Variants in GLIS3 observed in about 807,000 individuals in gnomAD.
GLIS3 encodes zinc finger protein GLIS3.
A neutral mutation model predicts 78.6 loss-of-function variants in GLIS3; 53 were observed. That is an observed-to-expected ratio of 0.67 (90% confidence interval 0.54 to 0.85). The LOEUF is 0.85. GLIS3 is among the 40% of genes least tolerant of loss of function. GLIS3 has a pLI of 0.00. For synonymous variants in GLIS3, 684 were observed against 509.9 expected, an observed-to-expected ratio of 1.34 and a Z score of -4.60; for missense variants, 1,703 against 1,231.1, an observed-to-expected ratio of 1.38 and a Z score of -5.74.
At chr9:4,469,130 A>T in the GLIS3 span, among the ~76,000 whole-genome samples, 3 of 152,362 alleles carry the variant, frequency 2.0e-5, no homozygotes, top group East Asian at 5.8e-4. Flanking sequence ...ACCCAGATTC[A>T]TTAAGCAAGT....
chr9:4,159,583 GTGGCACA>G (rs937963493), intron 2 of GLIS3, among the ~76,000 whole-genome samples: 3 of 152,264 alleles, frequency 2.0e-5, no homozygotes, highest in African/African-American at 7.2e-5. Context: ...ACTGGGCATG[GTGGCACA>G]TGCCTGTAAT....
the GLIS3 span, among the ~76,000 whole-genome samples, chr9:4,477,344 A>T: frequency 1.3e-3 from 147 of 112,340 alleles, no homozygotes; most frequent in African/African-American, 4.8e-3. Context: ...CAGAAGTAGG[A>T]TGGTGTTTGC....
At chr9:3,856,205 G>A (rs1379967580) in intron 8 of GLIS3, 21 bp from the exon 9 acceptor site, 1 of 1,605,146 alleles carries the variant, frequency 6.2e-7, no homozygotes, top group African/African-American at 1.3e-5. Context: ...AATTATAAAA[G>A]GAAACATGAG....
At chr9:4,066,850 G>A (rs1438646725) in intron 4 of GLIS3, among the ~76,000 whole-genome samples, 1 of 152,160 alleles carries the variant, frequency 6.6e-6, no homozygotes, top group Admixed American at 6.5e-5. Flanking sequence ...ACGCCCAGTG[G>A]CACTTACGGT....
intron 4 of GLIS3, among the ~76,000 whole-genome samples, chr9:4,041,163 A>G (rs1008433787): frequency 6.6e-6 from 1 of 152,234 alleles, no homozygotes; most frequent in African/African-American, 2.4e-5. Context: ...ATATGACTGC[A>G]CATGGGAATC....
intron 2 of GLIS3, among the ~76,000 whole-genome samples, chr9:4,317,726 C>G (rs992895621): frequency 3.9e-5 from 6 of 152,160 alleles, no homozygotes; most frequent in Admixed American, 3.9e-4. Context: ...AGGCATTATT[C>G]AAGTTCCTAC....
intron 9 of GLIS3, among the ~76,000 whole-genome samples, chr9:3,847,323 T>C (rs1054623575): frequency 1.3e-5 from 2 of 152,154 alleles, no homozygotes; most frequent in African/African-American, 4.8e-5. Flanking sequence ...AAGGACTGGC[T>C]CTGCCAATCA....
chr9:4,250,680 T>G (rs1160506223), intron 2 of GLIS3, among the ~76,000 whole-genome samples: 1 of 152,222 alleles, frequency 6.6e-6, no homozygotes, highest in Non-Finnish European at 1.5e-5. Context: ...CTCTTGCTTC[T>G]CTAGTTCTTT....
At chr9:4,258,978 C>G (rs1213735598) in intron 2 of GLIS3, among the ~76,000 whole-genome samples, 3 of 152,124 alleles carry the variant, frequency 2.0e-5, no homozygotes, top group Non-Finnish European at 4.4e-5. Context: ...CCAGAAATAA[C>G]CTAGCAAACC....
chr9:4,272,042 G>A (rs1244759912), intron 2 of GLIS3, among the ~76,000 whole-genome samples: 3 of 152,130 alleles, frequency 2.0e-5, no homozygotes, highest in Non-Finnish European at 4.4e-5. Flanking sequence ...CTTGCAGATT[G>A]TGCCCTCGTC....
intron 4 of GLIS3, among the ~76,000 whole-genome samples, chr9:4,096,021 A>C (rs917846263): frequency 2.0e-5 from 3 of 152,090 alleles, no homozygotes; most frequent in Non-Finnish European, 2.9e-5. Context: ...AAAAAAAAAA[A>C]AAAAAAGTCT....
At chr9:4,169,407 T>C (rs1401496382) in intron 2 of GLIS3, among the ~76,000 whole-genome samples, 2 of 152,208 alleles carry the variant, frequency 1.3e-5, no homozygotes, top group African/African-American at 2.4e-5. Flanking sequence ...TTTAATTTAA[T>C]GAGGCAGAAA....
intron 4 of GLIS3, among the ~76,000 whole-genome samples, chr9:3,987,368 T>C (rs1819824315): frequency 6.6e-6 from 1 of 152,026 alleles, no homozygotes; most frequent in South Asian, 2.1e-4. Context: ...TCATCAGAGT[T>C]CCAGAAGAGA....
intron 2 of GLIS3, among the ~76,000 whole-genome samples, chr9:4,169,329 C>A (rs945585393): frequency 4.6e-5 from 7 of 152,276 alleles, no homozygotes; most frequent in Admixed American, 3.9e-4. Flanking sequence ...TTTGAACACC[C>A]TAAGAAGTAT....
chr9:3,962,640 C>A (rs1438087626), intron 4 of GLIS3, among the ~76,000 whole-genome samples: 1 of 151,906 alleles, frequency 6.6e-6, no homozygotes, highest in Non-Finnish European at 1.5e-5. Context: ...TTTTTGTTTG[C>A]TTTTTGTTTG....
chr9:4,320,034 C>A (rs1411061891), intron 2 of GLIS3, among the ~76,000 whole-genome samples: 3 of 149,928 alleles, frequency 2.0e-5, no homozygotes, highest in African/African-American at 2.5e-5. Flanking sequence ...TGCGCGCGCA[C>A]AAGAGTCAAA....
At chr9:4,485,524 C>A in the GLIS3 span, among the ~76,000 whole-genome samples, 1,891 of 152,200 alleles carry the variant, frequency 0.012, 42 homozygotes, top group African/African-American at 0.043. Flanking sequence ...CTTAAAAACT[C>A]CAGCCTCCAA....
At chr9:4,425,727 T>A in the GLIS3 span, among the ~76,000 whole-genome samples, 93 of 152,330 alleles carry the variant, frequency 6.1e-4, no homozygotes, top group African/African-American at 2.2e-3. Context: ...GATGTGCCTT[T>A]ACCTAGTACC....
intron 2 of GLIS3, among the ~76,000 whole-genome samples, chr9:4,239,135 C>T (rs1367140523): frequency 3.2e-5 from 4 of 126,892 alleles, no homozygotes; most frequent in African/African-American, 1.2e-4. Context: ...GTGAATAGTG[C>T]CGCAATAAAC....
Sources: allele counts gnomAD v4.1 joint callset (sites outside exome capture counted in the v4.1 genomes callset), GRCh38; gene constraint gnomAD v4.1.1; transcripts MANE v1.5; gene names NCBI Gene and HGNC (gene_info 2026-07-23, HGNC 2026-07-21).